FAM200B: variants seen among roughly 807,000 people sequenced by gnomAD.
FAM200B encodes the protein protein FAM200B.
A neutral mutation model predicts 33.1 loss-of-function variants in FAM200B; 32 were observed. The ratio of observed to expected loss-of-function variants is 0.97; its 90% CI spans 0.73 to 1.30. The LOEUF (loss-of-function observed/expected upper bound fraction) is 1.30. Among genes scored for constraint, FAM200B ranks in the 50% most tolerant of loss-of-function variants. The probability of loss-of-function intolerance (pLI) is 0.00; values close to 1 mark genes in which losing one functional copy is unlikely to be tolerated. For missense variants in FAM200B, 741 were observed against 754.0 expected, an observed-to-expected ratio of 0.98 and a Z score of 0.20; for synonymous variants, 240 against 264.8, an observed-to-expected ratio of 0.91 and a Z score of 0.91.
intron 1 of FAM200B, among the ~76,000 whole-genome samples, chr4:15,682,293 G>A (rs1718375293): frequency 6.6e-6 from 1 of 152,200 alleles, no homozygotes; most frequent in African/African-American, 2.4e-5. Flanking sequence ...TTAAGTTAGT[G>A]GCAGTATGAC....
chr4:15,687,040 A>G lies in FAM200B; in HGVS notation c.63A>G (p.Ser21=). The G allele has an allele frequency of 6.6e-7, 1 of 1,523,610 alleles. No individual in the cohort carries two copies. Among genetic ancestry groups the G allele is most frequent in the Non-Finnish European group, 8.9e-7 (1 of 1,128,744 alleles). The allele number at this position is 1,523,610 out of a possible 1,614,324, so 94.4% of individuals were successfully genotyped here. A position where few individuals can be genotyped will look rare whatever the true frequency, so the allele number is the denominator to read the frequency against. ...AAGTGAAATATACAGAAGCATGTTCAAGTTCATCTGTTGAATCTGGAATTG... is the reference window on the plus strand; with the variant it reads ...AAGTGAAATATACAGAAGCATGTTCGAGTTCATCTGTTGAATCTGGAATTG... ...NSEVKYTEAC[S]SSSVESGIVN... Residue 21 remains serine (S), a synonymous_variant, in exon 2 of 2, where the codon TCA becomes TCG. Coordinates refer to ENST00000422728, the MANE Select transcript of FAM200B (RefSeq NM_001145191.2).
the FAM200B span, chr4:15,644,468 T>G: frequency 3.2e-6 from 5 of 1,573,806 alleles, no homozygotes; most frequent in African/African-American, 1.5e-5. Flanking sequence ...GTTTTGACAG[T>G]TGAATATCCA....
the FAM200B span, among the ~76,000 whole-genome samples, chr4:15,643,112 A>T: frequency 6.6e-6 from 1 of 152,226 alleles, no homozygotes; most frequent in Non-Finnish European, 1.5e-5. Flanking sequence ...TTCAATAAAA[A>T]AGTAAATCTC....
At chr4:15,638,583 C>T in the FAM200B span, 4 of 1,613,304 alleles carry the variant, frequency 2.5e-6, no homozygotes, top group East Asian at 2.2e-5. Flanking sequence ...AGGCTAAGAC[C>T]TCTAAGGAGT....
the FAM200B span, chr4:15,640,886 G>GTAA: frequency 2.1e-5 from 30 of 1,400,922 alleles, no homozygotes; most frequent in African/African-American, 4.1e-4. Context: ...TATTCATTCT[G>GTAA]GAAACCAAAA....
the FAM200B span, chr4:15,641,603 AAGGCTTCCAGTCAACAGTAGTAGGC>A: frequency 2.2e-6 from 1 of 458,222 alleles, no homozygotes; most frequent in Non-Finnish European, 4.4e-6. Context: ...TGTTATTGGT[AAGGCTTCCAGTCAACAGTAGTAGGC>A]TGTAAGTAAA....
the FAM200B span, among the ~76,000 whole-genome samples, chr4:15,662,778 T>A: frequency 1.3e-5 from 2 of 152,260 alleles, no homozygotes; most frequent in Non-Finnish European, 2.9e-5. Flanking sequence ...GATGTAATTT[T>A]TTTTTGTCTT....
At chr4:15,645,782 T>C in the FAM200B span, among the ~76,000 whole-genome samples, 1 of 152,212 alleles carries the variant, frequency 6.6e-6, no homozygotes, top group South Asian at 2.1e-4. Context: ...ATAAAACATC[T>C]GTATTTCACA....
chr4:15,638,653 C>T, the FAM200B span: 1 of 1,609,996 alleles, frequency 6.2e-7, no homozygotes. Flanking sequence ...TATCCTTAAG[C>T]TCTTCATAGG....
At chr4:15,678,618 T>C (rs1402135005), upstream of FAM200B, among the ~76,000 whole-genome samples, 1 of 144,088 alleles carries the variant, frequency 6.9e-6, no homozygotes, top group East Asian at 1.9e-4. Flanking sequence ...TTGACCAAAA[T>C]GATCTTCTGC....
chr4:15,657,005 T>G, the FAM200B span, among the ~76,000 whole-genome samples: 1 of 150,032 alleles, frequency 6.7e-6, no homozygotes, highest in African/African-American at 2.4e-5. Flanking sequence ...CAGTCTGTCT[T>G]AAGAAGCAGG....
At chr4:15,637,291 A>G in the FAM200B span, among the ~76,000 whole-genome samples, 1 of 152,212 alleles carries the variant, frequency 6.6e-6, no homozygotes, top group South Asian at 2.1e-4. Context: ...CACATTGATA[A>G]TGAAACTTTT....
upstream of FAM200B, chr4:15,681,346 C>T: frequency 6.2e-6 from 1 of 162,464 alleles, no homozygotes. Context: ...GGGCCGGGAG[C>T]GCTTACCCCG....
At chr4:15,684,734 A>C (rs146124950) in intron 1 of FAM200B, 1 of 152,330 alleles carries the variant, frequency 6.6e-6, no homozygotes, top group Non-Finnish European at 1.5e-5. Context: ...GAATACATTG[A>C]TGACCACCCA....
At chr4:15,674,783 G>A in the FAM200B span, among the ~76,000 whole-genome samples, 2 of 152,036 alleles carry the variant, frequency 1.3e-5, no homozygotes, top group African/African-American at 4.8e-5. Flanking sequence ...CCTAGTAGCT[G>A]GGACTACAGG....
At chr4:15,640,864 T>C in the FAM200B span, 2 of 1,537,340 alleles carry the variant, frequency 1.3e-6, no homozygotes, top group Non-Finnish European at 1.8e-6. Context: ...TTTTGCATAA[T>C]TTAACTGTTC....
the FAM200B span, among the ~76,000 whole-genome samples, chr4:15,648,699 G>A: frequency 6.6e-6 from 1 of 152,172 alleles, no homozygotes; most frequent in East Asian, 1.9e-4. Flanking sequence ...AAAGGTGGTT[G>A]TTGGGGCAGG....
the FAM200B span, among the ~76,000 whole-genome samples, chr4:15,645,588 C>T: frequency 3.3e-5 from 5 of 152,036 alleles, no homozygotes; most frequent in African/African-American, 1.2e-4. Context: ...CCACCACGCC[C>T]GGCTAATTTT....
the FAM200B span, among the ~76,000 whole-genome samples, chr4:15,664,327 G>A: frequency 6.6e-6 from 1 of 151,684 alleles, no homozygotes; most frequent in East Asian, 1.9e-4. Context: ...TTCAATCCTT[G>A]CACCAAACCA....
Sources: allele counts gnomAD v4.1 joint callset (sites outside exome capture counted in the v4.1 genomes callset), GRCh38; gene constraint gnomAD v4.1.1; transcripts MANE v1.5; gene names NCBI Gene and HGNC (gene_info 2026-07-23, HGNC 2026-07-21).